SEMA3C: variants seen among roughly 807,000 people sequenced by gnomAD.
SEMA3C encodes semaphorin 3C, also known as semaphorin-3C.
In SEMA3C, 47 loss-of-function variants were observed where a neutral mutation model predicts 89.4. The ratio of observed to expected loss-of-function variants is 0.53; its 90% CI spans 0.42 to 0.67. SEMA3C has a LOEUF of 0.67. SEMA3C is among the 30% of genes least tolerant of loss of function. SEMA3C has a pLI of 0.00. For synonymous variants in SEMA3C, 310 were observed against 320.2 expected (o/e 0.97, Z 0.34); for missense variants, 839 against 929.1 (o/e 0.90, Z 1.26).
intron 2 of SEMA3C, among the ~76,000 whole-genome samples, chr7:80,865,074 G>A (rs1466015878): frequency 1.3e-5 from 2 of 151,990 alleles, no homozygotes; most frequent in Non-Finnish European, 2.9e-5. Context: ...ATCATTTGTG[G>A]CATTTACATA....
At chr7:80,790,596 C>T (rs1161902941) in intron 11 of SEMA3C, among the ~76,000 whole-genome samples, 1 of 152,168 alleles carries the variant, frequency 6.6e-6, no homozygotes, top group Non-Finnish European at 1.5e-5. Context: ...ACCTGCTCTT[C>T]CCTGTCCGGC....
intron 7 of SEMA3C, 108 bp from the exon 8 acceptor site, chr7:80,804,356 C>G: frequency 1.5e-6 from 1 of 665,062 alleles, no homozygotes; most frequent in Non-Finnish European, 2.3e-6. Context: ...TAGAAAAAAA[C>G]AATTCAACAT....
rs1792344860 is a variant in SEMA3C, at chr7:80,918,993, C to G, written c.-204G>C. ...GTTTCTTTGTAAAGGAATCTCAGCG[C>G]TGCAGTGCCGCGGCACCCGGAGCTC... On this transcript the variant is annotated 5_prime_UTR_variant, in exon 1 of 18. Transcript: ENST00000265361. 1 of 985,286 alleles carries G rather than the reference C, an allele frequency of 1.0e-6. No individual in the cohort carries two copies. The highest frequency in any genetic ancestry group is 1.2e-6 in the Non-Finnish European group (1 of 829,940). 61.0% of individuals were successfully genotyped at this position (985,286 alleles called of 1,614,324 possible). A position where few individuals can be genotyped will look rare whatever the true frequency, so the allele number is the denominator to read the frequency against.
At position 80,789,305 on chromosome 7, in the gene SEMA3C, C is replaced by T. The variant is rs993702185; in HGVS notation, c.1354+1G>A. ...AGCATATCTTGGGCTCAAATATTTA[C>T]CTGTTCCGAGAAACAGGACATGGTA... On this transcript the variant is annotated splice_donor_variant, in intron 12 of 17. Coordinates refer to ENST00000265361, the MANE Select transcript of SEMA3C (RefSeq NM_006379.5). LOFTEE classifies it high-confidence loss of function. 1 of 1,611,332 alleles carries T rather than the reference C, an allele frequency of 6.2e-7. No homozygotes were observed. The highest frequency in any genetic ancestry group is 8.5e-7 in the Non-Finnish European group (1 of 1,178,198).
intron 15 of SEMA3C, among the ~76,000 whole-genome samples, chr7:80,753,367 T>G (rs1223733811): frequency 6.6e-6 from 1 of 152,214 alleles, no homozygotes; most frequent in Non-Finnish European, 1.5e-5. Flanking sequence ...GAGAGCGTTT[T>G]CAGCCATCTA....
chr7:80,887,705 T>C (rs1791516093), intron 2 of SEMA3C, among the ~76,000 whole-genome samples: 1 of 152,192 alleles, frequency 6.6e-6, no homozygotes. Context: ...AAAGAGCTGC[T>C]TATCCTGAGT....
intron 2 of SEMA3C, among the ~76,000 whole-genome samples, chr7:80,870,184 C>G (rs1791022615): frequency 6.6e-6 from 1 of 152,148 alleles, no homozygotes; most frequent in South Asian, 2.1e-4. Context: ...TACCCAGGGC[C>G]TTCTTTCCCC....
chr7:80,772,450 T>A (rs888430258), intron 12 of SEMA3C, among the ~76,000 whole-genome samples: 1 of 152,194 alleles, frequency 6.6e-6, no homozygotes, highest in Non-Finnish European at 1.5e-5. Flanking sequence ...TTTAGCAGGG[T>A]TTCTCACATG....
chr7:80,893,190 T>C (rs2116159134), intron 2 of SEMA3C, among the ~76,000 whole-genome samples: 1 of 152,306 alleles, frequency 6.6e-6, no homozygotes, highest in East Asian at 1.9e-4. Context: ...GTACCTTGAA[T>C]TCCAAACAAC....
intron 12 of SEMA3C, among the ~76,000 whole-genome samples, chr7:80,765,947 T>C (rs577589940): frequency 6.6e-6 from 1 of 152,266 alleles, no homozygotes; most frequent in Non-Finnish European, 1.5e-5. Context: ...AAAGTGACAA[T>C]CTCATTTTGT....
In SEMA3C at chr7:80,800,793, C is replaced by T. The variant is rs376404937; in HGVS notation, c.950G>A (p.Arg317Lys). Residue 317 changes from arginine (R) to lysine (K), a missense_variant, in exon 10 of 18, where the codon AGG (arginine) becomes AAG (lysine). By Grantham distance (26) the Arg-to-Lys change is conservative. Transcript: ENST00000265361. ...DVFLLETDNPRTTLVYGIFTT... is the reference protein window; with the variant it reads ...DVFLLETDNPKTTLVYGIFTT... ...AAAAATGCCATACACTAGTGTTGTC[C>T]TCGGGTTATCAGTTTCCAGCAGAAA... 2.6e-6 allele frequency: 4 copies of T among 1,514,554 alleles called. No homozygotes were observed. The highest frequency in any genetic ancestry group is 1.8e-6 in the Non-Finnish European group (2 of 1,136,762). 93.8% of individuals were successfully genotyped at this position (1,514,554 alleles called of 1,614,324 possible).
intron 7 of SEMA3C, 75 bp downstream of exon 7, chr7:80,805,564 C>T: frequency 1.6e-6 from 2 of 1,284,306 alleles, no homozygotes; most frequent in South Asian, 1.7e-5. Flanking sequence ...ACCATTTTCC[C>T]TAGTTGTTAG....
intron 6 of SEMA3C, among the ~76,000 whole-genome samples, chr7:80,809,716 C>A (rs1469784594): frequency 6.6e-6 from 1 of 152,056 alleles, no homozygotes; most frequent in East Asian, 1.9e-4. Context: ...TGTTCATCAA[C>A]ATATGAATGG....
intron 17 of SEMA3C, among the ~76,000 whole-genome samples, chr7:80,747,818 G>A (rs1787834623): frequency 6.6e-6 from 1 of 152,092 alleles, no homozygotes; most frequent in Non-Finnish European, 1.5e-5. Flanking sequence ...AAATAATTCA[G>A]TTTCCTCCTG....
intron 15 of SEMA3C, among the ~76,000 whole-genome samples, chr7:80,754,667 CA>C (rs1391201367): frequency 1.3e-5 from 2 of 152,104 alleles, no homozygotes; most frequent in Admixed American, 6.5e-5. Flanking sequence ...ATATGCTAGT[CA>C]AAGATAAATA....
chr7:80,764,774 A>C (rs1366402974), intron 13 of SEMA3C, among the ~76,000 whole-genome samples: 2 of 152,196 alleles, frequency 1.3e-5, no homozygotes, highest in Non-Finnish European at 2.9e-5. Context: ...CTTATCTAAC[A>C]ATCAATAATG....
intron 2 of SEMA3C, among the ~76,000 whole-genome samples, chr7:80,889,218 G>A (rs578026520): frequency 9.9e-5 from 15 of 152,140 alleles, no homozygotes; most frequent in African/African-American, 3.1e-4. Context: ...ATTTGACTTC[G>A]CAATAACCTT....
At chr7:80,756,321 A>C (rs905660467) in intron 15 of SEMA3C, among the ~76,000 whole-genome samples, 6 of 151,590 alleles carry the variant, frequency 4.0e-5, no homozygotes, top group Non-Finnish European at 7.4e-5. Flanking sequence ...CAAGCATCAG[A>C]CCATTTTTTT....
chr7:80,750,469 TATATACAC>T lies in SEMA3C; in HGVS notation c.1711+792_1711+799del, dbSNP rs1349202458. ...ATATATATATATATATATATATATATATATACACACACACACACACACACACACACACA... is the reference window on the plus strand; with the variant it reads ...ATATATATATATATATATATATATATACACACACACACACACACACACACA... On this transcript the variant is annotated intron_variant, in intron 16 of 17. Coordinates refer to ENST00000265361, the MANE Select transcript of SEMA3C (RefSeq NM_006379.5). Among the ~76,000 whole-genome samples the T allele has an allele frequency of 9.1e-3, 457 of 50,102 alleles. 4 individuals carry two copies. Among genetic ancestry groups the T allele is most frequent in the Non-Finnish European group, 0.012 (295 of 25,372 alleles). 32.9% of individuals were successfully genotyped at this position (50,102 alleles called of 152,430 possible).
Sources: allele counts gnomAD v4.1 joint callset (sites outside exome capture counted in the v4.1 genomes callset), GRCh38; gene constraint gnomAD v4.1.1; transcripts MANE v1.5; gene names NCBI Gene and HGNC (gene_info 2026-07-23, HGNC 2026-07-21).